SETX: variants seen among roughly 807,000 people sequenced by gnomAD.
The protein encoded by SETX is helicase senataxin.
In SETX, 90 loss-of-function variants were observed where a neutral mutation model predicts 227.2. The ratio of observed to expected loss-of-function variants is 0.40; its 90% CI spans 0.33 to 0.47. The LOEUF is 0.47. Ranked by LOEUF, SETX falls within the 20% of genes least tolerant of loss-of-function variation. SETX has a pLI of 0.91. For missense variants in SETX, 3,052 were observed against 3,181.5 expected, an observed-to-expected ratio of 0.96 and a Z score of 0.98; for synonymous variants, 1,210 against 1,113.2, an observed-to-expected ratio of 1.09 and a Z score of -1.73.
intron 18 of SETX, among the ~76,000 whole-genome samples, chr9:132,285,223 G>C (rs988052158): frequency 6.6e-6 from 1 of 152,000 alleles, no homozygotes; most frequent in African/African-American, 2.4e-5. Flanking sequence ...TATCATAATT[G>C]TTTTTTGCAG....
At chr9:132,275,049 T>C (rs922547739) in intron 23 of SETX, 17 of 580,050 alleles carry the variant, frequency 2.9e-5, no homozygotes, top group East Asian at 8.6e-5. Flanking sequence ...AAGGAGAATG[T>C]TGACATTCCA....
chr9:132,295,481 G>T (rs11243718), intron 15 of SETX, among the ~76,000 whole-genome samples: 8,459 of 152,110 alleles, frequency 0.056, 365 homozygotes, highest in East Asian at 0.25. Flanking sequence ...AATCTCTGCT[G>T]CTCAAGTACT....
At position 132,264,403 on chromosome 9, in the gene SETX, C is replaced by A. The variant is rs141589525; in HGVS notation, c.7870G>T (p.Asp2624Tyr). 233 of 1,614,110 alleles carry A rather than the reference C, an allele frequency of 1.4e-4. 1 individual carries two copies. In the African/African-American group the frequency reaches 2.4e-3, roughly 17 times the overall value. ...EASTCQSKCD[D>Y]PEEELCHRRE... ...CTGTGACAGAGCTCCTCTTCCGGGT[C>A]ATCACATTTGCTCTGACACGTGGAA... The change falls in exon 26 of 26, where the codon GAC (aspartate) becomes TAC (tyrosine). Residue 2624 changes from aspartate to tyrosine, a missense_variant. By Grantham distance (160) the Asp-to-Tyr change is radical. This residue lies in a region of SETX where 294 missense variants were observed against 278.8 expected (regional missense o/e 1.05). Coordinates refer to ENST00000224140, the MANE Select transcript of SETX (RefSeq NM_015046.7).
chr9:132,281,671 C>T, intron 19 of SETX, 97 bp from the exon 20 acceptor site: 1 of 850,660 alleles, frequency 1.2e-6, no homozygotes, highest in Non-Finnish European at 2.0e-6. Context: ...AGAAAAGTAT[C>T]ACACTTCTCC....
chr9:132,323,203 G>A (rs1265775715), intron 10 of SETX, among the ~76,000 whole-genome samples: 2 of 152,076 alleles, frequency 1.3e-5, no homozygotes, highest in African/African-American at 2.4e-5. Flanking sequence ...TACTATTTCA[G>A]GAATATCATC....
intron 25 of SETX, among the ~76,000 whole-genome samples, chr9:132,266,457 C>T (rs144575573): frequency 6.6e-6 from 1 of 152,172 alleles, no homozygotes; most frequent in East Asian, 1.9e-4. Context: ...TCTGATAAGA[C>T]AAGATAACAC....
At chr9:132,294,598 G>A (rs1360518042) in intron 15 of SETX, among the ~76,000 whole-genome samples, 1 of 152,230 alleles carries the variant, frequency 6.6e-6, no homozygotes, top group Non-Finnish European at 1.5e-5. Context: ...GAATAAAGAT[G>A]ACATGTTCCA....
chr9:132,350,757 C>T (rs1326767461), intron 2 of SETX, among the ~76,000 whole-genome samples: 1 of 152,094 alleles, frequency 6.6e-6, no homozygotes, highest in Non-Finnish European at 1.5e-5. Flanking sequence ...AAAGTACATA[C>T]ACACAAAAGG....
intron 11 of SETX, among the ~76,000 whole-genome samples, chr9:132,307,162 G>A (rs542896523): frequency 1.3e-5 from 2 of 152,256 alleles, no homozygotes; most frequent in Non-Finnish European, 2.9e-5. Flanking sequence ...GGCTGAGGCA[G>A]GAGAATTGCT....
At chr9:132,340,036 ATTTCTCTT>A (rs1345027725) in intron 5 of SETX, among the ~76,000 whole-genome samples, 1 of 151,260 alleles carries the variant, frequency 6.6e-6, no homozygotes, top group African/African-American at 2.4e-5. Flanking sequence ...TATATTTTCT[ATTTCTCTT>A]TTTCTTCTTA....
intron 5 of SETX, among the ~76,000 whole-genome samples, chr9:132,337,668 C>G (rs1427045236): frequency 1.3e-5 from 2 of 152,042 alleles, no homozygotes; most frequent in African/African-American, 2.4e-5. Context: ...TCCATGAGAC[C>G]TTACTGATAA....
chr9:132,265,021 C>T (rs372074528), intron 25 of SETX, 36 bp from the exon 26 acceptor site: 13 of 1,607,366 alleles, frequency 8.1e-6, no homozygotes, highest in Non-Finnish European at 1.0e-5. Flanking sequence ...AATTACACCC[C>T]AAAGAGACAC....
intron 11 of SETX, among the ~76,000 whole-genome samples, chr9:132,303,322 T>C (rs1314185003): frequency 6.8e-6 from 1 of 147,804 alleles, no homozygotes; most frequent in East Asian, 1.9e-4. Flanking sequence ...TGCGTCTGAC[T>C]TCTACCTTTA....
At chr9:132,265,045 T>G in intron 25 of SETX, 60 bp from the exon 26 acceptor site, 3 of 1,585,324 alleles carry the variant, frequency 1.9e-6, no homozygotes, top group South Asian at 2.2e-5. Flanking sequence ...TTGGGAAGCA[T>G]AGAGTTCCAG....
intron 18 of SETX, among the ~76,000 whole-genome samples, chr9:132,284,220 A>C (rs1267128778): frequency 6.6e-6 from 1 of 152,244 alleles, no homozygotes; most frequent in Admixed American, 6.5e-5. Context: ...TGCTGAGCAT[A>C]GTTTCATGGC....
Position 132,329,764 on chromosome 9 carries a change from A to C in SETX, c.1834T>G (p.Cys612Gly), listed in dbSNP as rs764270209. 1 of 1,614,136 alleles carries C rather than the reference A, an allele frequency of 6.2e-7. No homozygotes were observed. ...CNTFVDLTSA[C>G]KISPASYNKE... ...TTATAAGATGCAGGAGAGATTTTACATGCAGAAGTCAGATCCACAAAAGTG... is the reference window on the plus strand; with the variant it reads ...TTATAAGATGCAGGAGAGATTTTACCTGCAGAAGTCAGATCCACAAAAGTG... The change falls in exon 10 of 26, where the codon TGT becomes GGT. Residue 612 changes from cysteine (C) to glycine (G), a missense_variant. Physicochemically the swap from Cys to Gly is radical, Grantham distance 159. Coordinates refer to ENST00000224140, the MANE Select transcript of SETX (RefSeq NM_015046.7).
Position 132,329,800 on chromosome 9 carries a change from G to A in SETX, c.1798C>T (p.Pro600Ser). ...AGATCCACAAAAGTGTTACATGGAG[G>A]TGCTTTGAATTTTATGTTTCTAATA... The part of the protein sequence containing the change: ...QIIRNIKFKA[P>S]PCNTFVDLTS... The change falls in exon 10 of 26, where the codon CCT becomes TCT. Residue 600 changes from proline (P) to serine (S), a missense_variant. Pro to Ser is a moderately conservative substitution (Grantham distance 74). Transcript: ENST00000224140. 6.2e-7 allele frequency: 1 copy of A among 1,614,006 alleles called. No homozygotes were observed. The highest frequency in any genetic ancestry group is 8.5e-7 in the Non-Finnish European group (1 of 1,179,988).
chr9:132,342,680 T>C lies in SETX; in HGVS notation c.498+10A>G. 6.4e-7 allele frequency: 1 copy of C among 1,562,374 alleles called. No individual in the cohort carries two copies. Among genetic ancestry groups the C allele is most frequent in the Admixed American group, 1.7e-5 (1 of 59,936 alleles). ...AATATACCCTTCTATCGCCCAACAC[T>C]CACACTCACCATTTCATTGGGATGG... On this transcript the variant is annotated intron_variant, in intron 5 of 25. Coordinates refer to ENST00000224140, the MANE Select transcript of SETX (RefSeq NM_015046.7).
rs1299115215 is a variant in SETX at position 132,326,721 on chromosome 9, T to G, written c.4877A>C (p.Asn1626Thr). 6.2e-7 allele frequency: 1 copy of G among 1,614,092 alleles called. No individual in the cohort carries two copies. The highest frequency in any genetic ancestry group is 1.3e-5 in the African/African-American group (1 of 74,928). Residue 1626 changes from asparagine to threonine, a missense_variant, in exon 10 of 26, where the codon AAT becomes ACT. By Grantham distance (65) the Asn-to-Thr change is moderately conservative. Around this residue, in one of 10 missense-constraint regions of SETX, gnomAD observed 1,483 missense variants for 1,312.0 expected, o/e 1.13. Transcript: ENST00000224140. ...AATCGACTGTATCCCCTTTGACTTA[T>G]TTTTTAGAGACGGTGAAAGTGCTGA... The part of the protein sequence containing the change: ...TSSALSPSLK[N>T]KSKGIQSILK...
Sources: allele counts gnomAD v4.1 joint callset (sites outside exome capture counted in the v4.1 genomes callset), GRCh38; gene constraint gnomAD v4.1.1; regional missense constraint gnomAD v4.1.1; transcripts MANE v1.5; gene names NCBI Gene and HGNC (gene_info 2026-07-23, HGNC 2026-07-21).